MALRD1: variants seen among roughly 807,000 people sequenced by gnomAD.
MALRD1 encodes MAM and LDL-receptor class A domain-containing protein 1.
MALRD1 carries 247 observed loss-of-function variants against 242.1 expected under a neutral mutation model. The ratio of observed to expected loss-of-function variants is 1.02; its 90% CI spans 0.92 to 1.13. MALRD1 has a LOEUF of 1.13. MALRD1 is among the 50% of genes most tolerant of loss of function. The pLI is 0.00. For missense variants in MALRD1, 2,989 were observed against 2,533.1 expected, an observed-to-expected ratio of 1.18 and a Z score of -3.86; for synonymous variants, 995 against 866.6, an observed-to-expected ratio of 1.15 and a Z score of -2.60.
intron 32 of MALRD1, among the ~76,000 whole-genome samples, chr10:19,562,503 TAC>T (rs1836026658): frequency 3.3e-5 from 5 of 152,244 alleles, no homozygotes; most frequent in Middle Eastern, 3.4e-3. Context: ...GTTGATCAAT[TAC>T]AGTTTAGGAT....
At chr10:19,387,381 A>G in intron 26 of MALRD1, 147 bp from the exon 27 acceptor site, 1 of 863,704 alleles carries the variant, frequency 1.2e-6, no homozygotes, top group African/African-American at 1.7e-5. Flanking sequence ...AGAGTGGGAG[A>G]GAGAGAGATG....
At chr10:19,349,807 C>A (rs4265504) in intron 25 of MALRD1, among the ~76,000 whole-genome samples, 118,293 of 152,038 alleles carry the variant, frequency 0.78, 46,588 homozygotes, top group African/African-American at 0.9. Flanking sequence ...GTTGACCTCT[C>A]AGCTTTTCTA....
intron 21 of MALRD1, among the ~76,000 whole-genome samples, chr10:19,317,919 C>T (rs1258951145): frequency 6.6e-6 from 1 of 151,996 alleles, no homozygotes; most frequent in African/African-American, 2.4e-5. Flanking sequence ...TTTGCAACAC[C>T]TGAAAGTAAA....
At chr10:19,654,496 T>G (rs1460238174) in intron 36 of MALRD1, among the ~76,000 whole-genome samples, 1 of 152,162 alleles carries the variant, frequency 6.6e-6, no homozygotes, top group Non-Finnish European at 1.5e-5. Flanking sequence ...CATAGATGAA[T>G]CCAAAAGGAG....
chr10:19,567,541 T>C lies in MALRD1; in HGVS notation c.5518T>C (p.Trp1840Arg), dbSNP rs1376829258. Residue 1840 changes from tryptophan to arginine, a missense_variant, in exon 33 of 40, where the codon TGG (tryptophan) becomes CGG (arginine). Transcript: ENST00000454679. ...AGAATCGGGGCTAAACATCCTGGTGTGGTCAGTGATTGGAAATAAAAGAAC... is the reference window on the plus strand; with the variant it reads ...AGAATCGGGGCTAAACATCCTGGTGCGGTCAGTGATTGGAAATAAAAGAAC... ...IEESGLNILV[W>R]SVIGNKRTGW... The C allele has an allele frequency of 2.6e-6, 4 of 1,550,318 alleles. No individual in the cohort carries two copies. In the African/African-American group the frequency reaches 5.5e-5, roughly 21 times the overall value.
chr10:19,129,769 T>A (rs941268936), intron 8 of MALRD1, among the ~76,000 whole-genome samples: 36 of 148,426 alleles, frequency 2.4e-4, no homozygotes, highest in Admixed American at 7.4e-4. Flanking sequence ...ATATAACAAA[T>A]AATATATTTA....
intron 36 of MALRD1, among the ~76,000 whole-genome samples, chr10:19,626,670 A>G (rs572582099): frequency 8.5e-5 from 13 of 152,110 alleles, no homozygotes; most frequent in Non-Finnish European, 1.6e-4. Flanking sequence ...CATCACCCAC[A>G]TAAAGAGTGC....
Position 19,465,184 on chromosome 10 carries a change from A to G in MALRD1, c.5029+14694A>G, listed in dbSNP as rs115758922. On this transcript the variant is annotated intron_variant, in intron 29 of 39. Transcript: ENST00000454679. ...TGACAGTTTGACTTCCTCCTTACCA[A>G]TTTAAATGCCCTTTATTTCTTTCTC... Among the ~76,000 whole-genome samples the G allele has an allele frequency of 2.2e-3, 334 of 152,184 alleles. 1 individual carries two copies. Among genetic ancestry groups the G allele is most frequent in the African/African-American group, 7.6e-3 (316 of 41,512 alleles).
intron 28 of MALRD1, among the ~76,000 whole-genome samples, chr10:19,402,968 C>T (rs1422951337): frequency 1.3e-5 from 2 of 151,218 alleles, no homozygotes; most frequent in African/African-American, 2.4e-5. Context: ...TTGTGTCCTC[C>T]GTAATAAATG....
rs879938166 is a variant in MALRD1 at position 19,270,344 on chromosome 10, A to T, written c.3080-9703A>T. On this transcript the variant is annotated intron_variant, in intron 19 of 39. Transcript: ENST00000454679. ...CTCTCTCTCTCTCTCTCTCACACAC[A>T]CACACACACACACACACACACACAC... Among the ~76,000 whole-genome samples, 367 of 124,824 alleles carry T rather than the reference A, an allele frequency of 2.9e-3. 1 individual carries two copies. The highest frequency in any genetic ancestry group is 7.6e-3 in the African/African-American group (222 of 29,394). The allele number at this position is 124,824 out of a possible 152,430, so 81.9% of individuals were successfully genotyped here.
At chr10:19,193,443 C>T (rs954750998) in intron 14 of MALRD1, among the ~76,000 whole-genome samples, 2 of 152,154 alleles carry the variant, frequency 1.3e-5, no homozygotes, top group Non-Finnish European at 2.9e-5. Flanking sequence ...GTAGTCCCAG[C>T]TACTCAGAGG....
At chr10:19,270,987 T>C (rs1840207155) in intron 19 of MALRD1, among the ~76,000 whole-genome samples, 1 of 152,054 alleles carries the variant, frequency 6.6e-6, no homozygotes, top group Non-Finnish European at 1.5e-5. Context: ...TAAACCTAAA[T>C]ATACGAATGA....
chr10:19,652,033 G>A (rs968080750), intron 36 of MALRD1, among the ~76,000 whole-genome samples: 1 of 152,150 alleles, frequency 6.6e-6, no homozygotes, highest in Non-Finnish European at 1.5e-5. Flanking sequence ...TAGCCTTGGG[G>A]CGATACTGTC....
At chr10:19,434,079 C>T (rs1480258163) in intron 28 of MALRD1, among the ~76,000 whole-genome samples, 1 of 152,114 alleles carries the variant, frequency 6.6e-6, no homozygotes, top group African/African-American at 2.4e-5. Context: ...CTCTTCAGCT[C>T]CTTTGATCTT....
chr10:19,351,889 G>A, intron 25 of MALRD1, 117 bp from the exon 26 acceptor site: 1 of 973,268 alleles, frequency 1.0e-6, no homozygotes, highest in East Asian at 2.6e-5. Context: ...ATAAACAGGT[G>A]TAATTTTCCT....
chr10:19,490,515 G>A (rs1252068422), intron 29 of MALRD1, among the ~76,000 whole-genome samples: 1 of 126,094 alleles, frequency 7.9e-6, no homozygotes, highest in African/African-American at 2.8e-5. Flanking sequence ...GCGGGGGGGG[G>A]GCAGGGTTAT....
At chr10:19,180,223 T>G (rs982516453) in intron 14 of MALRD1, among the ~76,000 whole-genome samples, 2 of 152,096 alleles carry the variant, frequency 1.3e-5, no homozygotes, top group African/African-American at 4.8e-5. Flanking sequence ...TCCTCTGCAT[T>G]CAAAACATAC....
At chr10:19,404,451 T>A (rs1435546863) in intron 28 of MALRD1, among the ~76,000 whole-genome samples, 1 of 152,136 alleles carries the variant, frequency 6.6e-6, no homozygotes, top group African/African-American at 2.4e-5. Flanking sequence ...ATTAGAAGTT[T>A]CTGATGTATG....
chr10:19,116,280 T>C (rs1226812930), intron 5 of MALRD1, among the ~76,000 whole-genome samples: 5 of 152,246 alleles, frequency 3.3e-5, no homozygotes. Flanking sequence ...ATTTTGAATA[T>C]TCTGTGAATA....
Sources: allele counts gnomAD v4.1 joint callset (sites outside exome capture counted in the v4.1 genomes callset), GRCh38; gene constraint gnomAD v4.1.1; transcripts MANE v1.5; gene names NCBI Gene and HGNC (gene_info 2026-07-23, HGNC 2026-07-21).